Variants in FASN observed in about 807,000 individuals in gnomAD.
FASN encodes fatty acid synthase, also known as 3-hydroxyacyl-[acyl-carrier-protein] dehydratase.
Under a neutral mutation model 250.0 loss-of-function variants are expected in FASN, and 50 were observed. That is an observed-to-expected ratio of 0.20 (90% CI 0.16 to 0.25). FASN has a LOEUF of 0.25. Among genes scored for constraint, FASN ranks in the 10% least tolerant of loss-of-function variants. FASN has a pLI of 1.00. For missense variants in FASN, 3,031 were observed against 3,498.5 expected (o/e 0.87, Z 3.37); for synonymous variants, 1,909 against 1,584.0 (o/e 1.21, Z -4.87).
intron 38 of FASN, 57 bp downstream of exon 38, chr17:82,081,104 CAAG>C: frequency 6.5e-7 from 1 of 1,527,736 alleles, no homozygotes; most frequent in Non-Finnish European, 8.8e-7. Flanking sequence ...GTCCAGACAA[CAAG>C]GAGGAAGGGC....
rs201027778 is a variant in FASN at position 82,079,486 on chromosome 17, G to A, written c.7269C>T (p.Phe2423=). ...RQELSFAARS[F]YYKLRAAEQY... ...GCTCAGCGGCACGCAGCTTGTAGTA[G>A]AAGGACCGGGCCGCAAAGCTCAGCT... is the stretch of plus-strand genomic sequence containing the variant. The change falls in exon 42 of 43, where the codon TTC becomes TTT. Residue 2423 remains phenylalanine (F), a synonymous_variant. Transcript: ENST00000306749. 3.1e-6 allele frequency: 5 copies of A among 1,612,758 alleles called. No individual in the cohort carries two copies. The highest frequency in any genetic ancestry group is 2.7e-5 in the African/African-American group (2 of 75,044).
intron 12 of FASN, 46 bp from the exon 13 acceptor site, chr17:82,089,430 C>A: frequency 1.9e-6 from 3 of 1,612,568 alleles, no homozygotes; most frequent in Non-Finnish European, 2.5e-6. Context: ...TGGGCACCCA[C>A]CTCAGGCTCG....
chr17:82,087,217 G>A lies in FASN; in HGVS notation c.3260C>T (p.Thr1087Ile). 2 of 1,607,950 alleles carry A rather than the reference G, an allele frequency of 1.2e-6. No homozygotes were observed. Among genetic ancestry groups the A allele is most frequent in the Non-Finnish European group, 1.7e-6 (2 of 1,178,368 alleles). ...DVVVSRWLRVTVAGGVHISGL... is the reference protein window; with the variant it reads ...DVVVSRWLRVIVAGGVHISGL... ...GGAGATGTGGACGCCTCCGGCCACT[G>A]TGACCCTCAGCCACCTGCTCACCAC... is the stretch of plus-strand genomic sequence containing the variant. Residue 1087 changes from threonine to isoleucine, a missense_variant, in exon 21 of 43, where the codon ACA becomes ATA. Coordinates refer to ENST00000306749, the MANE Select transcript of FASN (RefSeq NM_004104.5).
chr17:82,085,769 C>G lies in FASN; in HGVS notation c.3835G>C (p.Ala1279Pro). The change falls in exon 23 of 43, where the codon GCC becomes CCC. Residue 1279 changes from alanine (A) to proline (P), a missense_variant. Transcript: ENST00000306749. ...SYTATDRHPQ[A>P]LEAAQAELQQ... ...AGCTCGGCCTGGGCAGCCTCCAGGG[C>G]CTGGGGGTGGCGGTCGGTGGCCGTG... is the stretch of plus-strand genomic sequence containing the variant. The G allele has an allele frequency of 6.4e-7, 1 of 1,564,542 alleles. No individual in the cohort carries two copies.
intron 1 of FASN, chr17:82,097,559 T>G (rs2034326080): frequency 6.6e-6 from 1 of 152,190 alleles, no homozygotes; most frequent in South Asian, 2.1e-4. Context: ...TCCTCGCCGC[T>G]TGCTATTCAC....
chr17:82,093,548 G>C, intron 4 of FASN, 50 bp downstream of exon 4: 1 of 1,611,132 alleles, frequency 6.2e-7, no homozygotes, highest in Non-Finnish European at 8.5e-7. Context: ...TGCTCAGCAT[G>C]TGGGGACCTG....
At chr17:82,080,071 C>T in intron 41 of FASN, 69 bp downstream of exon 41, 2 of 1,507,456 alleles carry the variant, frequency 1.3e-6, no homozygotes, top group Non-Finnish European at 1.8e-6. Flanking sequence ...CCATCCCATC[C>T]TTCCCTTCCC....
rs1419775382 is a variant in FASN, at chr17:82,084,509, A to G, written c.4768+4T>C. ...CCACTCCCACGGCCCCATGCCACCC[A>G]TACCTGGGATGGCATCAGGGGACAG... On this transcript the variant is annotated splice_donor_region_variant and intron_variant, in intron 27 of 42. Transcript: ENST00000306749. 6.2e-7 allele frequency: 1 copy of G among 1,606,838 alleles called. No homozygotes were observed. Among genetic ancestry groups the G allele is most frequent in the South Asian group, 1.1e-5 (1 of 89,910 alleles).
rs757673185 is a variant in FASN, at chr17:82,083,572, C to T, written c.5286G>A (p.Thr1762=). 1.2e-5 allele frequency: 19 copies of T among 1,612,608 alleles called. No homozygotes were observed. The highest frequency in any genetic ancestry group is 1.6e-4 in the Middle Eastern group (1 of 6,084). The change falls in exon 31 of 43, where the codon ACG becomes ACA. Residue 1762 remains threonine, a synonymous_variant. Coordinates refer to ENST00000306749, the MANE Select transcript of FASN (RefSeq NM_004104.5). ...TGCCAATTTCCAGGAAGCGACCGTG[C>T]GTAGCCAAGCACCTCACGCTGGCCT... ...KLQASVRCLA[T]HGRFLEIGKF... is the part of the protein sequence containing the mutation.
chr17:82,087,975 T>A lies in FASN; in HGVS notation c.2845A>T (p.Asn949Tyr). The A allele has an allele frequency of 6.2e-7, 1 of 1,612,478 alleles. No homozygotes were observed. Among genetic ancestry groups the A allele is most frequent in the Non-Finnish European group, 8.5e-7 (1 of 1,179,894 alleles). The change falls in exon 18 of 43, where the codon AAC (asparagine) becomes TAC (tyrosine). Residue 949 changes from asparagine to tyrosine, a missense_variant. Transcript: ENST00000306749. ...EASRAFEVSENGNLVVSGKVY... is the reference protein window; with the variant it reads ...EASRAFEVSEYGNLVVSGKVY... ...TTACCACTCACTACCAGGTTGCCGT[T>A]CTCTGACACCTCGAAGGCACGGGAG...
Position 82,088,749 on chromosome 17 carries a change from G to A in FASN, c.2420+12C>T. ...CTCCGGGAGACGAGACCCGGGCTGG[G>A]AAGGGACCCACCCTGAGAGGTGCAG... On this transcript the variant is annotated intron_variant, in intron 15 of 42. Transcript: ENST00000306749. The A allele has an allele frequency of 1.9e-6, 3 of 1,608,188 alleles. No individual in the cohort carries two copies. The highest frequency in any genetic ancestry group is 2.5e-6 in the Non-Finnish European group (3 of 1,176,578).
At chr17:82,091,723 C>A (rs1271678303) in intron 8 of FASN, 39 bp from the exon 9 acceptor site, 1 of 1,516,524 alleles carries the variant, frequency 6.6e-7, no homozygotes, top group Non-Finnish European at 8.9e-7. Context: ...CGCCCCACTC[C>A]CTCTACCACT....
In FASN at chr17:82,085,232, C is replaced by G; in HGVS notation, c.4287+6G>C. The G allele has an allele frequency of 1.9e-6, 3 of 1,611,944 alleles. No homozygotes were observed. Among genetic ancestry groups the G allele is most frequent in the Non-Finnish European group, 2.5e-6 (3 of 1,179,600 alleles). ...GGTGGGGCCTGGAGGTGGGGCAGGGCCTGACCTTCAGAGACTCCACCCAGC... is the reference window on the plus strand; with the variant it reads ...GGTGGGGCCTGGAGGTGGGGCAGGGGCTGACCTTCAGAGACTCCACCCAGC... On this transcript the variant is annotated splice_donor_region_variant and intron_variant, in intron 24 of 42. Coordinates refer to ENST00000306749, the MANE Select transcript of FASN (RefSeq NM_004104.5).
chr17:82,097,881 G>A (rs2034331051), intron 1 of FASN, among the ~76,000 whole-genome samples: 1 of 152,090 alleles, frequency 6.6e-6, no homozygotes, highest in Non-Finnish European at 1.5e-5. Flanking sequence ...GAAGGCGGCT[G>A]TTGGTGGCTT....
At chr17:82,092,612 G>A in intron 7 of FASN, 23 bp from the exon 8 acceptor site, 4 of 1,604,412 alleles carry the variant, frequency 2.5e-6, no homozygotes, top group Middle Eastern at 1.7e-4. Flanking sequence ...TGGGGGGTGA[G>A]GGGCTCTGGC....
intron 11 of FASN, 81 bp downstream of exon 11, chr17:82,090,294 C>T: frequency 7.1e-7 from 1 of 1,412,232 alleles, no homozygotes; most frequent in Non-Finnish European, 9.6e-7. Flanking sequence ...GGGGGCCAGG[C>T]CAGGGCTGCA....
At chr17:82,081,527 CA>C (rs2144781458) in intron 37 of FASN, 73 bp downstream of exon 37, 1 of 1,601,352 alleles carries the variant, frequency 6.2e-7, no homozygotes, top group East Asian at 2.2e-5. Flanking sequence ...CGCACAGGGG[CA>C]CGACTGCTAT....
chr17:82,085,000 G>A (rs2034065070), intron 25 of FASN, 35 bp downstream of exon 25: 2 of 1,587,564 alleles, frequency 1.3e-6, no homozygotes, highest in Non-Finnish European at 1.7e-6. Context: ...GGAGGCTGGT[G>A]GGGAAGGGGA....
chr17:82,094,549 G>A (rs1468622199), intron 3 of FASN, among the ~76,000 whole-genome samples: 1 of 151,962 alleles, frequency 6.6e-6, no homozygotes, highest in Non-Finnish European at 1.5e-5. Context: ...CCAGCACTTT[G>A]GGAAGCTGAG....
Sources: allele counts gnomAD v4.1 joint callset (sites outside exome capture counted in the v4.1 genomes callset), GRCh38; gene constraint gnomAD v4.1.1; transcripts MANE v1.5; gene names NCBI Gene and HGNC (gene_info 2026-07-23, HGNC 2026-07-21).